The following PDE7B variants were observed in gnomAD, a reference collection of about 807,000 sequenced individuals.
PDE7B encodes the protein phosphodiesterase 7B.
PDE7B carries 29 observed loss-of-function variants against 56.2 expected under a neutral mutation model. The ratio of observed to expected loss-of-function variants is 0.52; its 90% confidence interval spans 0.38 to 0.70. PDE7B has a LOEUF of 0.70. Ranked by LOEUF, PDE7B falls within the 30% of genes least tolerant of loss-of-function variation. The pLI is 0.00. For missense variants in PDE7B, 490 were observed against 565.0 expected (o/e 0.87, Z 1.35); for synonymous variants, 197 against 196.9 (o/e 1.00, Z 0.00).
chr6:135,976,794 T>C (rs1013603489), intron 2 of PDE7B, among the ~76,000 whole-genome samples: 2 of 152,298 alleles, frequency 1.3e-5, no homozygotes, highest in East Asian at 1.9e-4. Context: ...ACTTTGGGGA[T>C]GTCAGCCTTG....
At chr6:135,874,720 T>C (rs1430005382) in intron 1 of PDE7B, among the ~76,000 whole-genome samples, 1 of 152,216 alleles carries the variant, frequency 6.6e-6, no homozygotes, top group Non-Finnish European at 1.5e-5. Flanking sequence ...AGTGATTATA[T>C]GTAGTCATCA....
At chr6:136,179,183 ACACT>A in intron 10 of PDE7B, 42 bp downstream of exon 10, 1 of 1,590,508 alleles carries the variant, frequency 6.3e-7, no homozygotes, top group Non-Finnish European at 8.6e-7. Flanking sequence ...CTGAGTGAAA[ACACT>A]CAGCTGGGCT....
intron 2 of PDE7B, among the ~76,000 whole-genome samples, chr6:136,021,721 C>A (rs1776076012): frequency 6.6e-6 from 1 of 151,622 alleles, no homozygotes; most frequent in South Asian, 2.1e-4. Flanking sequence ...TACATCATTT[C>A]TTCTTTCTTG....
chr6:136,154,214 A>C, intron 7 of PDE7B, 39 bp downstream of exon 7: 3 of 1,337,328 alleles, frequency 2.2e-6, no homozygotes, highest in Non-Finnish European at 3.2e-6. Context: ...CCACCTGGAA[A>C]TGCCAAGGAA....
intron 3 of PDE7B, among the ~76,000 whole-genome samples, chr6:136,143,206 T>TA (rs945152367): frequency 6.6e-6 from 1 of 152,050 alleles, no homozygotes; most frequent in African/African-American, 2.4e-5. Flanking sequence ...TGGGGTTTTT[T>TA]AAACACCATC....
chr6:135,863,904 A>C (rs181236696), intron 1 of PDE7B, among the ~76,000 whole-genome samples: 5 of 152,114 alleles, frequency 3.3e-5, no homozygotes, highest in Admixed American at 2.0e-4. Flanking sequence ...TTGCCTTTTC[A>C]GTGAATATTT....
intron 1 of PDE7B, among the ~76,000 whole-genome samples, chr6:135,920,535 T>G (rs1307367622): frequency 6.6e-6 from 1 of 152,138 alleles, no homozygotes; most frequent in Non-Finnish European, 1.5e-5. Flanking sequence ...CTGGACTATT[T>G]TTGTGTCACC....
In PDE7B at chr6:136,182,155, G is replaced by A. The variant is rs147403197; in HGVS notation, c.1045+832G>A. 1.9e-3 allele frequency among the ~76,000 whole-genome samples: 293 copies of A among 152,258 alleles called. 2 individuals are homozygous for A. Among genetic ancestry groups the A allele is most frequent in the Non-Finnish European group, 3.1e-3 (211 of 68,022 alleles). On this transcript the variant is annotated intron_variant, in intron 11 of 12. Transcript: ENST00000308191. Reference sequence around the variant, plus strand: ...AGCAACAGTGAGCCTTTTGGAGAAGGCACCATTGAAAGATGTGTCAATGAC... The same window carrying A: ...AGCAACAGTGAGCCTTTTGGAGAAGACACCATTGAAAGATGTGTCAATGAC...
intron 3 of PDE7B, among the ~76,000 whole-genome samples, chr6:136,122,001 C>CA (rs1554281086): frequency 6.9e-5 from 10 of 145,916 alleles, no homozygotes; most frequent in Non-Finnish European, 1.5e-5. Flanking sequence ...AATTTATAAT[C>CA]TTTTTTTTTT....
At chr6:136,037,610 C>T in intron 2 of PDE7B, 1 of 985,458 alleles carries the variant, frequency 1.0e-6, no homozygotes, top group South Asian at 4.7e-5. Flanking sequence ...TCTCAGCTTC[C>T]TCTGTTTTTT....
chr6:135,976,230 C>T (rs1775184302), intron 2 of PDE7B, among the ~76,000 whole-genome samples: 1 of 152,128 alleles, frequency 6.6e-6, no homozygotes. Context: ...CCCTTCTGAA[C>T]TTTTACACTC....
chr6:136,015,142 A>G (rs1332067564), intron 2 of PDE7B, among the ~76,000 whole-genome samples: 2 of 152,212 alleles, frequency 1.3e-5, no homozygotes, highest in Non-Finnish European at 2.9e-5. Context: ...ATTCACTTGA[A>G]GCTGGTGGGA....
At chr6:135,891,509 A>T (rs537045365) in intron 1 of PDE7B, among the ~76,000 whole-genome samples, 11 of 152,306 alleles carry the variant, frequency 7.2e-5, no homozygotes, top group African/African-American at 2.6e-4. Context: ...AAAATTATGG[A>T]TGCATTATAA....
intron 2 of PDE7B, among the ~76,000 whole-genome samples, chr6:136,050,443 C>T (rs1776604176): frequency 6.6e-6 from 1 of 151,126 alleles, no homozygotes; most frequent in South Asian, 2.1e-4. Context: ...GTGAGAATTT[C>T]ACCAGGATTG....
intron 3 of PDE7B, among the ~76,000 whole-genome samples, chr6:136,140,711 AT>A (rs1327381270): frequency 6.6e-6 from 1 of 152,008 alleles, no homozygotes; most frequent in Non-Finnish European, 1.5e-5. Flanking sequence ...ATTCCTAGGT[AT>A]TTTGTTCTCT....
At chr6:135,907,596 T>C (rs970763380) in intron 1 of PDE7B, among the ~76,000 whole-genome samples, 1 of 152,170 alleles carries the variant, frequency 6.6e-6, no homozygotes, top group Non-Finnish European at 1.5e-5. Flanking sequence ...ATATTAGAAA[T>C]GTGCTGGTTA....
chr6:135,948,843 CTAGA>C (rs35143164), intron 2 of PDE7B, among the ~76,000 whole-genome samples: 29,050 of 131,832 alleles, frequency 0.22, 3,281 homozygotes, highest in East Asian at 0.28. Context: ...ATTTCAGGTA[CTAGA>C]TAGATAGATA....
At chr6:135,924,686 T>C (rs1324292791) in intron 1 of PDE7B, among the ~76,000 whole-genome samples, 1 of 150,050 alleles carries the variant, frequency 6.7e-6, no homozygotes, top group Admixed American at 6.7e-5. Flanking sequence ...TTTTTTTTTT[T>C]TTGAGTGGCA....
intron 1 of PDE7B, among the ~76,000 whole-genome samples, chr6:135,883,111 G>C (rs1775639879): frequency 6.6e-6 from 1 of 152,140 alleles, no homozygotes; most frequent in Non-Finnish European, 1.5e-5. Flanking sequence ...ATTTGGTCAA[G>C]TTTTCTCTTT....
Sources: gnomAD v4.1 joint callset for allele counts (sites outside exome capture counted in the v4.1 genomes callset) on GRCh38, gnomAD v4.1.1 for gene constraint, MANE v1.5 for transcripts, NCBI Gene and HGNC (gene_info 2026-07-23, HGNC 2026-07-21) for gene names.